The following HECW1 variants were observed in gnomAD, a reference collection of about 807,000 sequenced individuals.
HECW1 encodes the protein HECT, C2 and WW domain containing E3 ubiquitin protein ligase 1, also known as E3 ubiquitin-protein ligase HECW1.
A neutral mutation model predicts 182.3 loss-of-function variants in HECW1; 61 were observed. The observed-to-expected ratio is 0.33, with a 90% confidence interval of 0.27 to 0.41. The LOEUF (loss-of-function observed/expected upper bound fraction) is 0.41. Ranked by LOEUF, HECW1 falls within the 10% of genes least tolerant of loss-of-function variation. The pLI is 1.00. For synonymous variants in HECW1, 859 were observed against 832.6 expected (o/e 1.03, Z -0.55); for missense variants, 1,739 against 2,108.9 (o/e 0.82, Z 3.44).
chr7:43,394,652 G>A (rs1179524432), intron 6 of HECW1, among the ~76,000 whole-genome samples: 3 of 152,196 alleles, frequency 2.0e-5, no homozygotes, highest in Non-Finnish European at 4.4e-5. Context: ...CATCTGGTGA[G>A]TTTCAGTCCC....
chr7:43,366,885 C>T (rs939413486), intron 6 of HECW1, among the ~76,000 whole-genome samples: 2 of 152,142 alleles, frequency 1.3e-5, no homozygotes, highest in South Asian at 4.1e-4. Context: ...GGACCCACCC[C>T]CTGAGATCCC....
chr7:43,141,431 C>T (rs1218583433), intron 2 of HECW1, among the ~76,000 whole-genome samples: 1 of 152,158 alleles, frequency 6.6e-6, no homozygotes, highest in African/African-American at 2.4e-5. Flanking sequence ...TTAGAATGTG[C>T]TTCTCTTGGA....
intron 29 of HECW1, among the ~76,000 whole-genome samples, chr7:43,557,612 C>G (rs1484151011): frequency 4.6e-5 from 7 of 152,188 alleles, no homozygotes. Context: ...GGTAGGAGGA[C>G]TTGAAGTGGA....
chr7:43,387,579 C>A (rs1327156824), intron 6 of HECW1, among the ~76,000 whole-genome samples: 1 of 152,154 alleles, frequency 6.6e-6, no homozygotes, highest in Non-Finnish European at 1.5e-5. Flanking sequence ...ACATAGGAAG[C>A]CTTTTTAAAG....
intron 24 of HECW1, chr7:43,523,194 G>A (rs2152940454): frequency 3.9e-6 from 1 of 255,526 alleles, no homozygotes. Context: ...AGTACATAAG[G>A]GGTTTCTCCA....
intron 5 of HECW1, among the ~76,000 whole-genome samples, chr7:43,352,304 T>C (rs909123990): frequency 6.6e-6 from 1 of 152,256 alleles, no homozygotes; most frequent in African/African-American, 2.4e-5. Context: ...GTGTATTCCA[T>C]GCAATAATCG....
chr7:43,225,439 C>T (rs967530808), intron 2 of HECW1, among the ~76,000 whole-genome samples: 2 of 151,866 alleles, frequency 1.3e-5, no homozygotes, highest in African/African-American at 4.8e-5. Context: ...ATATGTATAA[C>T]CAGTTGTAGG....
chr7:43,485,975 A>G (rs1253234214), intron 17 of HECW1, among the ~76,000 whole-genome samples: 1 of 152,084 alleles, frequency 6.6e-6, no homozygotes. Flanking sequence ...CATCATTTAC[A>G]TTAGGTATTT....
chr7:43,506,201 A>G (rs2079570120), intron 21 of HECW1, among the ~76,000 whole-genome samples: 1 of 152,196 alleles, frequency 6.6e-6, no homozygotes, highest in Non-Finnish European at 1.5e-5. Context: ...GCCTTTGTGT[A>G]CAGGTATGTT....
intron 8 of HECW1, among the ~76,000 whole-genome samples, chr7:43,416,295 G>A (rs1446849675): frequency 4.0e-5 from 6 of 151,342 alleles, no homozygotes; most frequent in African/African-American, 1.2e-4. Flanking sequence ...GCTGTGTGAG[G>A]TGTCAGTGTG....
chr7:43,243,990 TC>T lies in HECW1; in HGVS notation c.27+60del. On this transcript the variant is annotated intron_variant, in intron 3 of 29. Coordinates refer to ENST00000395891, the MANE Select transcript of HECW1 (RefSeq NM_015052.5). The surrounding 1 kb of genome is among the most constrained non-coding windows in gnomAD (Gnocchi z 4.0). ...CCATGTCATTCCATTATAAACCCACTCCACTCATAATGGAATGTGCCTCAGC... is the reference window on the plus strand; with the variant it reads ...CCATGTCATTCCATTATAAACCCACTCACTCATAATGGAATGTGCCTCAGC... 1 of 1,339,390 alleles carries T rather than the reference TC, an allele frequency of 7.5e-7. No homozygotes were observed. Among genetic ancestry groups the T allele is most frequent in the Non-Finnish European group, 1.1e-6 (1 of 928,916 alleles). The allele number at this position is 1,339,390 out of a possible 1,614,324, so 83.0% of individuals were successfully genotyped here.
At chr7:43,167,430 T>C (rs1345243108) in intron 2 of HECW1, among the ~76,000 whole-genome samples, 3 of 152,226 alleles carry the variant, frequency 2.0e-5, no homozygotes. Flanking sequence ...AATAAAGTCA[T>C]ATTCTGAAGT....
At chr7:43,263,485 C>T (rs1176702329) in intron 3 of HECW1, among the ~76,000 whole-genome samples, 2 of 152,128 alleles carry the variant, frequency 1.3e-5, no homozygotes, top group African/African-American at 2.4e-5. Context: ...CTCAGCCTCC[C>T]GAGTAGCTGG....
chr7:43,459,577 G>A (rs1415230924), intron 13 of HECW1, among the ~76,000 whole-genome samples: 7 of 150,970 alleles, frequency 4.6e-5, no homozygotes, highest in East Asian at 1.9e-4. Flanking sequence ...TCACTCTGTC[G>A]CCCAGGCTGG....
At chr7:43,378,986 A>AG (rs2074438888) in intron 6 of HECW1, among the ~76,000 whole-genome samples, 1 of 152,142 alleles carries the variant, frequency 6.6e-6, no homozygotes, top group Non-Finnish European at 1.5e-5. Context: ...GTTATTGCTT[A>AG]TGGGGGGGCG....
At chr7:43,468,799 C>T in intron 15 of HECW1, 121 bp from the exon 16 acceptor site, 4 of 856,254 alleles carry the variant, frequency 4.7e-6, no homozygotes, top group South Asian at 1.8e-5. Context: ...CTCTACCTCA[C>T]ACTCACAATA....
intron 17 of HECW1, among the ~76,000 whole-genome samples, chr7:43,491,179 G>A (rs1484191633): frequency 6.6e-6 from 1 of 152,258 alleles, no homozygotes; most frequent in Non-Finnish European, 1.5e-5. Context: ...GGCAGGCAGT[G>A]TGGAAGGAGT....
In HECW1 at chr7:43,445,122, G is replaced by A; in HGVS notation, c.1950G>A (p.Thr650=). 2 of 1,608,284 alleles carry A rather than the reference G, an allele frequency of 1.2e-6. No individual in the cohort carries two copies. The highest frequency in any genetic ancestry group is 1.7e-6 in the Non-Finnish European group (2 of 1,178,518). Residue 650 remains threonine, a synonymous_variant, in exon 11 of 30, where the codon ACG becomes ACA. Transcript: ENST00000395891. ...LANGAAQDGD[T]HPSTGSESDS... is the part of the protein sequence containing the mutation. ...ATGGCGCGGCCCAGGATGGCGACAC[G>A]CACCCCAGCACCGGGAGCGAGAGCG...
chr7:43,155,522 T>C (rs996808930), intron 2 of HECW1, among the ~76,000 whole-genome samples: 21 of 152,196 alleles, frequency 1.4e-4, no homozygotes, highest in Admixed American at 3.3e-4. Context: ...TATTATAAAG[T>C]CTTTACAGAA....
Sources: allele counts gnomAD v4.1 joint callset (sites outside exome capture counted in the v4.1 genomes callset), GRCh38; gene constraint gnomAD v4.1.1; non-coding constraint Gnocchi (gnomAD v3.1); transcripts MANE v1.5; gene names NCBI Gene and HGNC (gene_info 2026-07-23, HGNC 2026-07-21).